Variants in ZNF804B observed in about 807,000 individuals in gnomAD.
ZNF804B encodes the protein zinc finger protein 804B, also known as zinc finger 804B.
ZNF804B carries 80 observed loss-of-function variants against 101.4 expected under a neutral mutation model. The observed-to-expected ratio is 0.79, with a 90% CI of 0.66 to 0.95. The LOEUF (loss-of-function observed/expected upper bound fraction) is 0.95. Ranked by LOEUF, ZNF804B falls within the 40% of genes least tolerant of loss-of-function variation. The probability of loss-of-function intolerance (pLI) is 0.00; values close to 1 mark genes in which losing one functional copy is unlikely to be tolerated. For synonymous variants in ZNF804B, 622 were observed against 558.8 expected, an observed-to-expected ratio of 1.11 and a Z score of -1.59; for missense variants, 1,673 against 1,561.9, an observed-to-expected ratio of 1.07 and a Z score of -1.20.
chr7:88,772,438 G>A (rs1415454965), intron 1 of ZNF804B, among the ~76,000 whole-genome samples: 1 of 152,052 alleles, frequency 6.6e-6, no homozygotes, highest in East Asian at 1.9e-4. Context: ...TCTTCCACAG[G>A]GAATAGAGAA....
chr7:88,794,033 A>C, intron 1 of ZNF804B: 1 of 566,816 alleles, frequency 1.8e-6, no homozygotes, highest in South Asian at 4.5e-5. Flanking sequence ...AGTTTAGCTC[A>C]ACATACTCTA....
At chr7:88,958,687 G>A (rs980846348) in intron 1 of ZNF804B, among the ~76,000 whole-genome samples, 2 of 151,360 alleles carry the variant, frequency 1.3e-5, no homozygotes, top group African/African-American at 2.4e-5. Flanking sequence ...ACCTACCTCT[G>A]GAGACTTTCA....
At chr7:88,955,281 C>T (rs1024431312) in intron 1 of ZNF804B, among the ~76,000 whole-genome samples, 1 of 151,416 alleles carries the variant, frequency 6.6e-6, no homozygotes, top group African/African-American at 2.4e-5. Context: ...AAGTATGTTG[C>T]TTTTTACTAT....
At chr7:88,826,079 T>C (rs1791047466) in intron 1 of ZNF804B, among the ~76,000 whole-genome samples, 1 of 152,150 alleles carries the variant, frequency 6.6e-6, no homozygotes, top group African/African-American at 2.4e-5. Context: ...TAATGATATA[T>C]GCACTTGAAG....
At chr7:88,786,326 C>T (rs551183540) in intron 1 of ZNF804B, among the ~76,000 whole-genome samples, 23 of 152,156 alleles carry the variant, frequency 1.5e-4, no homozygotes, top group Admixed American at 1.5e-3. Flanking sequence ...TCCATAGTCC[C>T]TAGGATATGA....
chr7:88,857,284 A>G (rs575920911), intron 1 of ZNF804B, among the ~76,000 whole-genome samples: 1 of 152,308 alleles, frequency 6.6e-6, no homozygotes, highest in Admixed American at 6.5e-5. Flanking sequence ...ACAGAAATAG[A>G]GACACAAAAA....
intron 1 of ZNF804B, among the ~76,000 whole-genome samples, chr7:89,193,880 A>G (rs562215607): frequency 1.7e-3 from 254 of 152,220 alleles, no homozygotes; most frequent in Non-Finnish European, 2.7e-3. Context: ...TCCCTGAGGA[A>G]TCGCCACACT....
chr7:89,005,416 G>A (rs999959514), intron 1 of ZNF804B, among the ~76,000 whole-genome samples: 1 of 151,934 alleles, frequency 6.6e-6, no homozygotes, highest in Non-Finnish European at 1.5e-5. Flanking sequence ...AAGGTCAAAG[G>A]TTATAGAACA....
intron 1 of ZNF804B, among the ~76,000 whole-genome samples, chr7:88,767,239 C>T (rs575900045): frequency 2.6e-5 from 4 of 152,302 alleles, no homozygotes; most frequent in South Asian, 4.1e-4. Context: ...ACCATCCACA[C>T]GTAACTTTCA....
chr7:89,101,462 A>T (rs563625046), intron 1 of ZNF804B, among the ~76,000 whole-genome samples: 7 of 151,990 alleles, frequency 4.6e-5, no homozygotes, highest in African/African-American at 1.7e-4. Flanking sequence ...ATAAAATTGG[A>T]TCTACTTATG....
At chr7:88,845,276 TGCGCAC>T (rs1378321568) in intron 1 of ZNF804B, among the ~76,000 whole-genome samples, 2 of 138,776 alleles carry the variant, frequency 1.4e-5, no homozygotes, top group Non-Finnish European at 3.0e-5. Flanking sequence ...TGCGCATGTG[TGCGCAC>T]GCGCGCGCGC....
chr7:88,934,640 T>A (rs1359961453), intron 1 of ZNF804B, among the ~76,000 whole-genome samples: 1 of 151,790 alleles, frequency 6.6e-6, no homozygotes, highest in Non-Finnish European at 1.5e-5. Context: ...AGAAAAAACA[T>A]GCTAAACATT....
chr7:88,881,862 C>T (rs1792048272), intron 1 of ZNF804B, among the ~76,000 whole-genome samples: 1 of 151,958 alleles, frequency 6.6e-6, no homozygotes. Context: ...AGCTGCTTAC[C>T]CCAAATGGCC....
chr7:89,247,647 C>G (rs1246138768), intron 2 of ZNF804B, among the ~76,000 whole-genome samples: 1 of 151,978 alleles, frequency 6.6e-6, no homozygotes, highest in Non-Finnish European at 1.5e-5. Flanking sequence ...AATTAGAAGT[C>G]CTAGTCTCCA....
At chr7:88,980,473 A>G (rs529162168) in intron 1 of ZNF804B, among the ~76,000 whole-genome samples, 1 of 152,050 alleles carries the variant, frequency 6.6e-6, no homozygotes, top group East Asian at 2.0e-4. Context: ...ACTCAAAGGG[A>G]ATTAATTGTT....
intron 1 of ZNF804B, among the ~76,000 whole-genome samples, chr7:89,074,212 A>G (rs1789583132): frequency 1.3e-5 from 2 of 152,234 alleles, no homozygotes; most frequent in Non-Finnish European, 2.9e-5. Flanking sequence ...TTGTAAAGTC[A>G]AAGGATTTGG....
intron 2 of ZNF804B, among the ~76,000 whole-genome samples, chr7:89,247,406 A>C (rs1789466077): frequency 2.0e-5 from 3 of 152,266 alleles, no homozygotes; most frequent in Middle Eastern, 6.8e-3. Context: ...GCTAGCTCTT[A>C]ACTATAAGCA....
intron 1 of ZNF804B, among the ~76,000 whole-genome samples, chr7:88,776,272 G>A (rs548069894): frequency 1.1e-4 from 17 of 152,182 alleles, no homozygotes; most frequent in Non-Finnish European, 1.3e-4. Flanking sequence ...AATGTTCTCA[G>A]TAGTGACGGG....
At chr7:89,321,756 G>GA (rs940778737) in intron 2 of ZNF804B, among the ~76,000 whole-genome samples, 22 of 145,626 alleles carry the variant, frequency 1.5e-4, no homozygotes, top group Non-Finnish European at 2.4e-4. Flanking sequence ...AAATTAAAAG[G>GA]AAAAAAATCC....
Sources: gnomAD v4.1 joint callset for allele counts (sites outside exome capture counted in the v4.1 genomes callset) on GRCh38, gnomAD v4.1.1 for gene constraint, MANE v1.5 for transcripts, NCBI Gene and HGNC (gene_info 2026-07-23, HGNC 2026-07-21) for gene names.